QSOX1: variants seen among roughly 807,000 people sequenced by gnomAD.
QSOX1 encodes the protein sulfhydryl oxidase 1.
A neutral mutation model predicts 76.1 loss-of-function variants in QSOX1; 40 were observed. That is an observed-to-expected ratio of 0.53 (90% confidence interval 0.41 to 0.68). The LOEUF is 0.68. Among genes scored for constraint, QSOX1 ranks in the 30% least tolerant of loss-of-function variants. The probability of loss-of-function intolerance (pLI) is 0.00; values close to 1 mark genes in which losing one functional copy is unlikely to be tolerated. For synonymous variants in QSOX1, 392 were observed against 413.1 expected (o/e 0.95, Z 0.62); for missense variants, 931 against 974.3 (o/e 0.96, Z 0.59).
intron 1 of QSOX1, among the ~76,000 whole-genome samples, chr1:180,159,816 G>T (rs996346074): frequency 1.3e-5 from 2 of 152,164 alleles, no homozygotes; most frequent in South Asian, 4.1e-4. Flanking sequence ...TGGGCCTTGT[G>T]CAGGAGCTCA....
intron 1 of QSOX1, among the ~76,000 whole-genome samples, chr1:180,161,078 G>A (rs1048523080): frequency 6.6e-6 from 1 of 152,010 alleles, no homozygotes; most frequent in Admixed American, 6.6e-5. Context: ...AAGATAATCA[G>A]GGTAAGTGGG....
chr1:180,194,627 T>C (rs1572056146), intron 11 of QSOX1, among the ~76,000 whole-genome samples: 1 of 152,232 alleles, frequency 6.6e-6, no homozygotes, highest in Non-Finnish European at 1.5e-5. Flanking sequence ...TTCCCTGCTC[T>C]AGGGCCCCTC....
At chr1:180,158,236 G>A (rs1218552542) in intron 1 of QSOX1, among the ~76,000 whole-genome samples, 1 of 152,206 alleles carries the variant, frequency 6.6e-6, no homozygotes, top group African/African-American at 2.4e-5. Flanking sequence ...GGATACTCCA[G>A]GTGGAAAAAC....
chr1:180,195,003 G>GC (rs1663431230), intron 11 of QSOX1, among the ~76,000 whole-genome samples: 1 of 152,084 alleles, frequency 6.6e-6, no homozygotes, highest in Non-Finnish European at 1.5e-5. Flanking sequence ...TCCCGGGGGG[G>GC]GGAGACCAGG....
At chr1:180,181,647 G>A (rs1663039879) in intron 5 of QSOX1, among the ~76,000 whole-genome samples, 2 of 152,182 alleles carry the variant, frequency 1.3e-5, no homozygotes, top group South Asian at 4.1e-4. Flanking sequence ...CCATAAGGAA[G>A]ACTGCTCTTG....
At chr1:180,189,525 C>T (rs1663255451) in intron 8 of QSOX1, 27 bp from the exon 9 acceptor site, 1 of 1,475,612 alleles carries the variant, frequency 6.8e-7, no homozygotes, top group Non-Finnish European at 9.2e-7. Flanking sequence ...TTTTCACTCT[C>T]CAGCTTCCGC....
chr1:180,188,625 A>T (rs141765114), intron 8 of QSOX1, among the ~76,000 whole-genome samples: 14 of 152,216 alleles, frequency 9.2e-5, no homozygotes, highest in Non-Finnish European at 2.1e-4. Flanking sequence ...GTCCAGCCCA[A>T]CGTTTGATAG....
intron 1 of QSOX1, among the ~76,000 whole-genome samples, chr1:180,158,872 A>G (rs192729965): frequency 6.5e-4 from 99 of 152,346 alleles, no homozygotes; most frequent in Admixed American, 3.4e-3. Context: ...TGTCAGAGCT[A>G]GAAGGGGCAT....
chr1:180,169,295 G>A (rs942726862), intron 2 of QSOX1, among the ~76,000 whole-genome samples: 1 of 152,256 alleles, frequency 6.6e-6, no homozygotes, highest in African/African-American at 2.4e-5. Context: ...GTGCCCTTCA[G>A]TGGGAATAGA....
chr1:180,165,808 G>T (rs1662601713), intron 1 of QSOX1, among the ~76,000 whole-genome samples: 1 of 152,374 alleles, frequency 6.6e-6, no homozygotes, highest in Admixed American at 6.5e-5. Context: ...TTCCTGGGCT[G>T]TGGCCCAGAA....
intron 10 of QSOX1, among the ~76,000 whole-genome samples, chr1:180,191,650 G>A (rs1039612893): frequency 1.3e-5 from 2 of 152,242 alleles, no homozygotes; most frequent in South Asian, 2.1e-4. Context: ...CCATGATGAC[G>A]AATGCTGAGG....
chr1:180,164,536 G>A (rs1037771471), intron 1 of QSOX1, among the ~76,000 whole-genome samples: 2 of 152,154 alleles, frequency 1.3e-5, no homozygotes, highest in East Asian at 1.9e-4. Context: ...CTCCCAGCTC[G>A]CAGAGCCCCC....
At chr1:180,194,990 G>T (rs1663423871) in intron 11 of QSOX1, among the ~76,000 whole-genome samples, 1 of 134,294 alleles carries the variant, frequency 7.4e-6, no homozygotes, top group Non-Finnish European at 1.6e-5. Context: ...GGCTGTGACA[G>T]CCTCCCGGGG....
intron 1 of QSOX1, among the ~76,000 whole-genome samples, chr1:180,165,001 A>C (rs1038943253): frequency 1.3e-5 from 2 of 152,132 alleles, no homozygotes; most frequent in Admixed American, 1.3e-4. Flanking sequence ...ACTCGTTATC[A>C]AGGGGGCAGT....
At chr1:180,175,030 G>A (rs949444329) in intron 2 of QSOX1, among the ~76,000 whole-genome samples, 5 of 151,970 alleles carry the variant, frequency 3.3e-5, no homozygotes, top group Non-Finnish European at 7.4e-5. Context: ...GGTGGTGGGC[G>A]CCTGTAGTCC....
At chr1:180,176,114 G>A (rs911656219) in intron 4 of QSOX1, 81 bp downstream of exon 4, 17 of 1,165,554 alleles carry the variant, frequency 1.5e-5, no homozygotes, top group Non-Finnish European at 1.9e-5. Context: ...GGAACAGCAG[G>A]GCGGGGACCC....
At chr1:180,163,526 T>A (rs1662541049) in intron 1 of QSOX1, among the ~76,000 whole-genome samples, 2 of 152,228 alleles carry the variant, frequency 1.3e-5, no homozygotes, top group Admixed American at 1.3e-4. Flanking sequence ...TTCCTCAGCT[T>A]TTCATGCTTA....
At position 180,186,174 on chromosome 1, in the gene QSOX1, C is replaced by A; in HGVS notation, c.1009C>A (p.Leu337Met). ...LVALKKFVAV[L>M]AKYFPGRPLV... is the part of the protein sequence containing the mutation. ...GGCCCTGAAAAAGTTTGTGGCAGTG[C>A]TGGCCAAGGTGAGCAGGGCCATGGC... Residue 337 changes from leucine (L) to methionine (M), a missense_variant, in exon 8 of 12, where the codon CTG becomes ATG. By Grantham distance (15) the Leu-to-Met change is conservative. Coordinates refer to ENST00000367602, the MANE Select transcript of QSOX1 (RefSeq NM_002826.5). 1 of 1,612,896 alleles carries A rather than the reference C, an allele frequency of 6.2e-7. No individual in the cohort carries two copies. Among genetic ancestry groups the A allele is most frequent in the African/African-American group, 1.3e-5 (1 of 75,034 alleles).
At chr1:180,175,062 C>T (rs1018284070) in intron 2 of QSOX1, among the ~76,000 whole-genome samples, 1 of 151,298 alleles carries the variant, frequency 6.6e-6, no homozygotes, top group Non-Finnish European at 1.5e-5. Flanking sequence ...GAAGCTGAGG[C>T]AGGAGAGTCC....
Sources: gnomAD v4.1 joint callset for allele counts (sites outside exome capture counted in the v4.1 genomes callset) on GRCh38, gnomAD v4.1.1 for gene constraint, MANE v1.5 for transcripts, NCBI Gene and HGNC (gene_info 2026-07-23, HGNC 2026-07-21) for gene names.